MTREX: variants seen among roughly 807,000 people sequenced by gnomAD.
The protein encoded by MTREX is Mtr4 exosome RNA helicase, also known as exosome RNA helicase MTR4.
MTREX carries 76 observed loss-of-function variants against 135.4 expected under a neutral mutation model. The ratio of observed to expected loss-of-function variants is 0.56; its 90% CI spans 0.47 to 0.68. The LOEUF (loss-of-function observed/expected upper bound fraction) is 0.68. Ranked by LOEUF, MTREX falls within the 30% of genes least tolerant of loss-of-function variation. The pLI, the probability that MTREX is intolerant of heterozygous loss-of-function variation, is 0.00. For missense variants in MTREX, 920 were observed against 1,262.1 expected (o/e 0.73, Z 4.11); for synonymous variants, 404 against 401.6 (o/e 1.01, Z -0.07).
chr5:55,358,617 G>A lies in MTREX; in HGVS notation c.1578G>A (p.Arg526=). 1.2e-6 allele frequency: 2 copies of A among 1,607,218 alleles called. No homozygotes were observed. Among genetic ancestry groups the A allele is most frequent in the Non-Finnish European group, 1.7e-6 (2 of 1,177,232 alleles). ...TTCAGATGTCTGGTCGTGCTGGAAG[G>A]AGAGGAATGGATGATAGAGGAATTG... ...EYIQMSGRAG[R]RGMDDRGIVI... Residue 526 remains arginine (R), a synonymous_variant, in exon 15 of 27, where the codon AGG becomes AGA. Transcript: ENST00000230640.
At chr5:55,365,237 A>G (rs1301299685) in intron 15 of MTREX, among the ~76,000 whole-genome samples, 25 of 152,202 alleles carry the variant, frequency 1.6e-4, no homozygotes, top group Admixed American at 1.6e-3. Context: ...GCAAAATTAT[A>G]AAGTAGATGA....
intron 1 of MTREX, among the ~76,000 whole-genome samples, chr5:55,320,459 T>C (rs62359229): frequency 0.14 from 20,741 of 152,122 alleles, 1,737 homozygotes; most frequent in East Asian, 0.26. Flanking sequence ...CCTCGTGATC[T>C]GCCCGCCTTG....
chr5:55,420,353 A>AT (rs1485766691), intron 25 of MTREX, among the ~76,000 whole-genome samples: 1 of 152,226 alleles, frequency 6.6e-6, no homozygotes, highest in Non-Finnish European at 1.5e-5. Context: ...TGTTTTGTTC[A>AT]TCAACCGGGT....
chr5:55,388,862 G>A (rs940553591), intron 19 of MTREX, among the ~76,000 whole-genome samples: 3 of 152,050 alleles, frequency 2.0e-5, no homozygotes, highest in Non-Finnish European at 4.4e-5. Context: ...AAAATATGGC[G>A]TATTGGATAG....
chr5:55,380,338 T>G (rs553353365), intron 18 of MTREX, among the ~76,000 whole-genome samples: 1 of 152,172 alleles, frequency 6.6e-6, no homozygotes, highest in Admixed American at 6.6e-5. Flanking sequence ...TTTGCAGATA[T>G]GTGCAACCAT....
chr5:55,402,088 A>G (rs1266675698), intron 21 of MTREX, among the ~76,000 whole-genome samples: 1 of 152,218 alleles, frequency 6.6e-6, no homozygotes, highest in African/African-American at 2.4e-5. Flanking sequence ...CTCCTTTAAT[A>G]GAGTAATGTG....
chr5:55,337,335 G>A (rs926945771), intron 5 of MTREX, among the ~76,000 whole-genome samples: 3 of 151,712 alleles, frequency 2.0e-5, no homozygotes, highest in East Asian at 1.9e-4. Context: ...TTTTTGTAGC[G>A]ACAGGGTCTG....
At chr5:55,315,570 A>G (rs1326593221) in intron 1 of MTREX, among the ~76,000 whole-genome samples, 5 of 152,162 alleles carry the variant, frequency 3.3e-5, no homozygotes, top group Non-Finnish European at 5.9e-5. Context: ...CCCATATTCC[A>G]TTGCGGCATA....
chr5:55,356,671 A>G (rs1749920449), intron 14 of MTREX: 2 of 153,934 alleles, frequency 1.3e-5, no homozygotes, highest in African/African-American at 4.8e-5. Context: ...TGTTGTCCCC[A>G]AAGGGCATAG....
intron 5 of MTREX, among the ~76,000 whole-genome samples, chr5:55,331,420 G>C (rs1749472825): frequency 6.6e-6 from 1 of 152,102 alleles, no homozygotes; most frequent in South Asian, 2.1e-4. Context: ...ATTTAGTCTA[G>C]GGCTGATTTT....
In MTREX at chr5:55,343,318, T is replaced by C; in HGVS notation, c.782-13T>C. On this transcript the variant is annotated splice_polypyrimidine_tract_variant and intron_variant, in intron 7 of 26. Transcript: ENST00000230640. Reference sequence around the variant, plus strand: ...TCCAACTATAGTCCAAAGTATATATTTATTTTTTTCAGAACGTGGTGTAGT... The same window carrying C: ...TCCAACTATAGTCCAAAGTATATATCTATTTTTTTCAGAACGTGGTGTAGT... 1 of 1,600,520 alleles carries C rather than the reference T, an allele frequency of 6.2e-7. No homozygotes were observed. Among genetic ancestry groups the C allele is most frequent in the South Asian group, 1.1e-5 (1 of 89,030 alleles).
At chr5:55,421,294 G>A (rs900999788) in intron 25 of MTREX, among the ~76,000 whole-genome samples, 1 of 152,174 alleles carries the variant, frequency 6.6e-6, no homozygotes, top group Non-Finnish European at 1.5e-5. Flanking sequence ...ATTAATCCCT[G>A]GGGGGAGTAG....
At position 55,349,686 on chromosome 5, in the gene MTREX, A is replaced by T. The variant is rs758230539; in HGVS notation, c.1320+34A>T. On this transcript the variant is annotated intron_variant, in intron 12 of 26. Coordinates refer to ENST00000230640, the MANE Select transcript of MTREX (RefSeq NM_015360.5). ...TCAGTATCAGTAGATAAAAGTGTAG[A>T]TAATAATAGATTGCATATATTCACT... 2.0e-5 allele frequency: 22 copies of T among 1,096,372 alleles called. No homozygotes were observed. In the African/African-American group the frequency reaches 2.2e-4, roughly 11 times the overall value. 67.9% of individuals were successfully genotyped at this position (1,096,372 alleles called of 1,614,324 possible).
intron 21 of MTREX, among the ~76,000 whole-genome samples, chr5:55,401,940 A>C (rs1750728857): frequency 6.6e-6 from 1 of 152,020 alleles, no homozygotes. Context: ...TTATCAATAC[A>C]TTTGTCTTTG....
chr5:55,384,864 C>T (rs111342647), intron 18 of MTREX, among the ~76,000 whole-genome samples: 4 of 152,232 alleles, frequency 2.6e-5, no homozygotes, highest in African/African-American at 9.6e-5. Context: ...TCTGGGCATA[C>T]CCAGGAGCTC....
intron 7 of MTREX, among the ~76,000 whole-genome samples, chr5:55,342,324 G>T (rs560864654): frequency 2.0e-5 from 3 of 152,302 alleles, no homozygotes; most frequent in Admixed American, 2.0e-4. Context: ...TAAAGCAAAA[G>T]AAATTAAAAG....
chr5:55,322,792 T>C, intron 2 of MTREX, among the ~76,000 whole-genome samples: 1 of 152,118 alleles, frequency 6.6e-6, no homozygotes, highest in East Asian at 1.9e-4. Context: ...AAGGAAAAAA[T>C]AAAGCTAACT....
At chr5:55,367,102 A>G (rs1221450054) in intron 16 of MTREX, among the ~76,000 whole-genome samples, 1 of 152,214 alleles carries the variant, frequency 6.6e-6, no homozygotes, top group African/African-American at 2.4e-5. Context: ...AATTTAGTAT[A>G]ATTCTTGTCT....
intron 19 of MTREX, among the ~76,000 whole-genome samples, chr5:55,392,569 C>T (rs1228220741): frequency 8.6e-5 from 13 of 151,470 alleles, no homozygotes. Context: ...AAAAAATTCC[C>T]CAGTCTTTAC....
Sources: allele counts gnomAD v4.1 joint callset (sites outside exome capture counted in the v4.1 genomes callset), GRCh38; gene constraint gnomAD v4.1.1; transcripts MANE v1.5; gene names NCBI Gene and HGNC (gene_info 2026-07-23, HGNC 2026-07-21).